OFD1: variants seen among roughly 807,000 people sequenced by gnomAD.
The protein encoded by OFD1 is centriole and centriolar satellite protein OFD1.
Under a neutral mutation model 81.4 loss-of-function variants are expected in OFD1, and 12 were observed. The ratio of observed to expected loss-of-function variants is 0.15; its 90% confidence interval spans 0.09 to 0.24. OFD1 has a LOEUF of 0.24. OFD1 is among the 10% of genes least tolerant of loss of function. The pLI is 1.00. For synonymous variants in OFD1, 256 were observed against 263.7 expected, an observed-to-expected ratio of 0.97 and a Z score of 0.28; for missense variants, 685 against 733.9, an observed-to-expected ratio of 0.93 and a Z score of 0.77.
At chrX:13,725,338 C>T in the OFD1 span, among the ~76,000 whole-genome samples, 1 of 112,502 alleles carries the variant, frequency 8.9e-6, no homozygotes, top group Non-Finnish European at 1.9e-5. Context: ...TGGGAGACAC[C>T]TCCCAGTAGG....
intron 19 of OFD1, among the ~76,000 whole-genome samples, chrX:13,765,982 A>G (rs1380934257): frequency 6.2e-5 from 7 of 112,103 alleles, no homozygotes; most frequent in Non-Finnish European, 3.8e-5. Context: ...AGACTTTGTG[A>G]GAGCAAGGGA....
intron 5 of OFD1, among the ~76,000 whole-genome samples, chrX:13,742,879 G>T (rs149902532): frequency 1.8e-5 from 2 of 111,175 alleles, no homozygotes; most frequent in East Asian, 2.8e-4. Context: ...AGAGCTTTAC[G>T]TCATCAAGAG....
the OFD1 span, among the ~76,000 whole-genome samples, chrX:13,723,095 C>CAA: frequency 3.2e-5 from 2 of 62,758 alleles, no homozygotes; most frequent in East Asian, 5.1e-4. Flanking sequence ...GACTCCATCT[C>CAA]AAAAAAAAAA....
At chrX:13,772,170 TTAAAA>T (rs1404964036), downstream of OFD1, 2 of 112,696 alleles carry the variant, frequency 1.8e-5, no homozygotes, top group Admixed American at 1.9e-4. Flanking sequence ...CAGTATTTTG[TTAAAA>T]TGAAATCTGT....
Position 13,763,025 on chromosome X carries a change from C to G in OFD1, c.2488+581C>G, listed in dbSNP as rs6633324. On this transcript the variant is annotated intron_variant, in intron 18 of 22. Transcript: ENST00000340096. ...CCTCAAGTGATCCGCCTGCATCGGC[C>G]TCCCAAAATGCTGGGATAACAGGCA... 8.9e-5 allele frequency among the ~76,000 whole-genome samples: 10 copies of G among 112,724 alleles called. No homozygotes were observed. In the East Asian group the frequency reaches 2.8e-3, roughly 31 times the overall value.
chrX:13,758,970 A>G (rs933214846), intron 15 of OFD1, among the ~76,000 whole-genome samples: 1 of 111,544 alleles, frequency 9.0e-6, no homozygotes, highest in African/African-American at 3.3e-5. Flanking sequence ...ATACCTACTG[A>G]GCCATGATGA....
the OFD1 span, chrX:13,719,982 C>A: frequency 9.1e-7 from 1 of 1,094,412 alleles, no homozygotes; most frequent in East Asian, 3.2e-5. Flanking sequence ...ATATATGGCT[C>A]CTAATTAAGT....
At chrX:13,716,661 C>T in the OFD1 span, 71 of 1,210,360 alleles carry the variant, frequency 5.9e-5, no homozygotes, top group Non-Finnish European at 6.8e-5. Flanking sequence ...TGAACTGGTT[C>T]AGATGACGAT....
chrX:13,725,451 AC>A, the OFD1 span, among the ~76,000 whole-genome samples: 1 of 112,365 alleles, frequency 8.9e-6, no homozygotes, highest in Non-Finnish European at 1.9e-5. Context: ...TGCTGGTGAT[AC>A]CCAGGCAAAC....
chrX:13,749,451 C>G lies in OFD1; in HGVS notation c.853C>G (p.Gln285Glu), dbSNP rs200760486. Residue 285 changes from glutamine (Q) to glutamate (E), a missense_variant, in exon 9 of 23, where the codon CAA (glutamine) becomes GAA (glutamate). This residue lies in a region of OFD1 where 414 missense variants were observed against 447.2 expected (regional missense o/e 0.93). Coordinates refer to ENST00000340096, the MANE Select transcript of OFD1 (RefSeq NM_003611.3). ...QEIETKEIYA[Q>E]RQLLLKDMDL... ...GATTGAAACAAAAGAAATTTATGCT[C>G]AAAGGCAACTTTTACTAAAAGATAT... The G allele has an allele frequency of 1.8e-5, 22 of 1,189,606 alleles. No individual in the cohort carries two copies. The African/African-American group carries it at 3.9e-4, about 21-fold the overall frequency.
intron 6 of OFD1, among the ~76,000 whole-genome samples, chrX:13,745,884 T>C (rs1014772004): frequency 1.8e-5 from 2 of 112,317 alleles, no homozygotes; most frequent in Non-Finnish European, 1.9e-5. Flanking sequence ...ACGTGATCTT[T>C]GATTCTTTTA....
At chrX:13,761,032 A>G in intron 16 of OFD1, 53 bp from the exon 17 acceptor site, 2 of 1,201,690 alleles carry the variant, frequency 1.7e-6, no homozygotes, top group Middle Eastern at 2.8e-4. Context: ...CCACGTTGGT[A>G]TCTTCTCCGT....
intron 9 of OFD1, among the ~76,000 whole-genome samples, chrX:13,749,898 T>A (rs1263816904): frequency 1.8e-5 from 2 of 112,484 alleles, no homozygotes; most frequent in Non-Finnish European, 3.8e-5. Context: ...GGCCTGCAGC[T>A]TTTACCAGCT....
intron 12 of OFD1, 135 bp downstream of exon 12, chrX:13,755,377 A>T: frequency 2.0e-6 from 1 of 488,363 alleles, no homozygotes; most frequent in Non-Finnish European, 3.6e-6. Context: ...GTGTTAGCTG[A>T]AGTTAATTCA....
chrX:13,771,774 A>G (rs2048303052), downstream of OFD1: 3 of 112,602 alleles, frequency 2.7e-5, no homozygotes, highest in South Asian at 3.6e-4. Flanking sequence ...CTTAAACTCA[A>G]GCAGTTCTCT....
intron 10 of OFD1, among the ~76,000 whole-genome samples, chrX:13,751,758 C>T (rs1470437537): frequency 8.9e-6 from 1 of 111,863 alleles, no homozygotes; most frequent in Non-Finnish European, 1.9e-5. Flanking sequence ...CACTTGAACC[C>T]GGGAGGCAGA....
chrX:13,748,771 T>C (rs1042349111), intron 8 of OFD1, among the ~76,000 whole-genome samples: 1 of 111,371 alleles, frequency 9.0e-6, no homozygotes, highest in Non-Finnish European at 1.9e-5. Context: ...TTTTGGAGTT[T>C]TACTGCTGAA....
At chrX:13,739,851 T>TG in intron 5 of OFD1, 1 of 752,938 alleles carries the variant, frequency 1.3e-6, no homozygotes, top group Non-Finnish European at 1.6e-6. Flanking sequence ...TTCAGGCCAT[T>TG]GGTTAGACTT....
In OFD1 at chrX:13,762,354, A is replaced by G. The variant is rs139406798; in HGVS notation, c.2398A>G (p.Arg800Gly). ...PPEQKVGLYR[R>G]QTELQDKSEF... ...ATCCTTCCAATCTAGTCTTTATCGA[A>G]GACAAACTGAACTTCAAGACAAAAG... Residue 800 changes from arginine (R) to glycine (G), a missense_variant, in exon 18 of 23, where the codon AGA becomes GGA. By Grantham distance (125) the Arg-to-Gly change is moderately radical (BLOSUM62 -2). Transcript: ENST00000340096. 119 of 1,183,812 alleles carry G rather than the reference A, an allele frequency of 1.0e-4. No homozygotes were observed. In the African/African-American group the frequency reaches 1.9e-3, roughly 19 times the overall value.
Sources: allele counts gnomAD v4.1 joint callset (sites outside exome capture counted in the v4.1 genomes callset), GRCh38; gene constraint gnomAD v4.1.1; regional missense constraint gnomAD v4.1.1; transcripts MANE v1.5; gene names NCBI Gene and HGNC (gene_info 2026-07-23, HGNC 2026-07-21).